Variants in FHIP1A observed in about 807,000 individuals in gnomAD.
FHIP1A encodes FHF complex subunit HOOK-interacting protein 1A.
Under a neutral mutation model 88.6 loss-of-function variants are expected in FHIP1A, and 61 were observed. The observed-to-expected ratio is 0.69, with a 90% confidence interval of 0.56 to 0.85. The LOEUF (loss-of-function observed/expected upper bound fraction) is 0.85, where lower values mean the gene tolerates loss of function less well. FHIP1A is among the 40% of genes least tolerant of loss of function. The pLI, the probability that FHIP1A is intolerant of heterozygous loss-of-function variation, is 0.00. For missense variants in FHIP1A, 1,154 were observed against 1,273.5 expected, an observed-to-expected ratio of 0.91 and a Z score of 1.43; for synonymous variants, 478 against 496.0, an observed-to-expected ratio of 0.96 and a Z score of 0.48.
At chr4:151,608,961 C>A (rs889870972) in intron 7 of FHIP1A, among the ~76,000 whole-genome samples, 3 of 152,154 alleles carry the variant, frequency 2.0e-5, no homozygotes, top group African/African-American at 7.2e-5. Flanking sequence ...GTTTCGGCCT[C>A]TAATGTGTGA....
At chr4:151,441,569 T>C (rs538133018) in intron 1 of FHIP1A, among the ~76,000 whole-genome samples, 2 of 152,308 alleles carry the variant, frequency 1.3e-5, no homozygotes, top group East Asian at 1.9e-4. Flanking sequence ...ACATACATAC[T>C]CTATCTCTTT....
intron 7 of FHIP1A, among the ~76,000 whole-genome samples, chr4:151,597,377 T>G (rs1364703296): frequency 6.6e-6 from 1 of 152,152 alleles, no homozygotes; most frequent in Non-Finnish European, 1.5e-5. Flanking sequence ...CAGCAAAGAT[T>G]GCTACCTGTT....
At chr4:151,528,350 G>A (rs555158419) in intron 3 of FHIP1A, among the ~76,000 whole-genome samples, 2 of 152,308 alleles carry the variant, frequency 1.3e-5, no homozygotes, top group East Asian at 3.9e-4. Context: ...TGAGAAAGGC[G>A]CTGAAGTAGA....
Position 151,577,789 on chromosome 4 carries a change from T to C in FHIP1A, c.445T>C (p.Ser149Pro). ...GAAGCCTCTGATGATGTTGCTGAGC[T>C]CTTGTTCAGGAACAACCACCCCCAC... ...ILKPLMMLLS[S>P]CSGTTTPTVE... is the part of the protein sequence containing the mutation. Residue 149 changes from serine to proline, a missense_variant, in exon 5 of 14, where the codon TCT becomes CCT. Transcript: ENST00000435205. 9.0e-6 allele frequency: 14 copies of C among 1,552,072 alleles called. No individual in the cohort carries two copies. The highest frequency in any genetic ancestry group is 1.1e-5 in the Non-Finnish European group (13 of 1,147,080).
intron 1 of FHIP1A, among the ~76,000 whole-genome samples, chr4:151,438,870 C>T (rs1728305834): frequency 6.6e-6 from 1 of 151,962 alleles, no homozygotes; most frequent in African/African-American, 2.4e-5. Context: ...GCGTGAGCTT[C>T]TGTCCTCAAG....
intron 3 of FHIP1A, among the ~76,000 whole-genome samples, chr4:151,496,976 C>A (rs1486976516): frequency 6.6e-6 from 1 of 151,344 alleles, no homozygotes; most frequent in African/African-American, 2.4e-5. Context: ...AAATATAAAC[C>A]AAAAGAAACA....
intron 11 of FHIP1A, among the ~76,000 whole-genome samples, chr4:151,651,898 TTCAATCAGTCAG>T (rs1737043664): frequency 6.6e-6 from 1 of 152,234 alleles, no homozygotes; most frequent in Non-Finnish European, 1.5e-5. Flanking sequence ...TTAATTAAAA[TTCAATCAGTCAG>T]TCAATCATAA....
intron 9 of FHIP1A, among the ~76,000 whole-genome samples, chr4:151,643,315 T>TTTTTTCTC (rs1314363524): frequency 6.6e-6 from 1 of 152,156 alleles, no homozygotes; most frequent in African/African-American, 2.4e-5. Context: ...GCTTTTTTCT[T>TTTTTTCTC]TTCTTTTGAA....
chr4:151,565,185 G>A (rs1007445875), intron 3 of FHIP1A, among the ~76,000 whole-genome samples: 1 of 151,390 alleles, frequency 6.6e-6, no homozygotes, highest in Non-Finnish European at 1.5e-5. Context: ...ATCTGTACAC[G>A]AAAAAAAATA....
chr4:151,581,142 G>A (rs1734009836), intron 5 of FHIP1A, among the ~76,000 whole-genome samples: 1 of 152,226 alleles, frequency 6.6e-6, no homozygotes, highest in African/African-American at 2.4e-5. Flanking sequence ...ACAGGCATGA[G>A]CCACTGCGCC....
intron 11 of FHIP1A, among the ~76,000 whole-genome samples, chr4:151,651,205 G>T (rs569553668): frequency 6.6e-6 from 1 of 152,322 alleles, no homozygotes; most frequent in East Asian, 1.9e-4. Context: ...CTCTTTGAAA[G>T]AGTGGGTATA....
chr4:151,517,149 G>A (rs562357647), intron 3 of FHIP1A, among the ~76,000 whole-genome samples: 1 of 152,136 alleles, frequency 6.6e-6, no homozygotes, highest in African/African-American at 2.4e-5. Flanking sequence ...CGTGTCCTTT[G>A]TAGGGACATG....
chr4:151,523,093 T>C (rs1731504289), intron 3 of FHIP1A, among the ~76,000 whole-genome samples: 1 of 152,210 alleles, frequency 6.6e-6, no homozygotes, highest in East Asian at 1.9e-4. Context: ...GCTATGGTAA[T>C]ACATTTGGTT....
chr4:151,606,781 T>G (rs1336585588), intron 7 of FHIP1A, among the ~76,000 whole-genome samples: 3 of 152,216 alleles, frequency 2.0e-5, no homozygotes, highest in Non-Finnish European at 4.4e-5. Context: ...GAACTTTGCC[T>G]GTTTCTTACC....
intron 7 of FHIP1A, among the ~76,000 whole-genome samples, chr4:151,622,387 A>G (rs1420973267): frequency 6.6e-6 from 1 of 152,192 alleles, no homozygotes; most frequent in Non-Finnish European, 1.5e-5. Flanking sequence ...TGTGTTGCTG[A>G]AAGAAGCCGT....
intron 3 of FHIP1A, among the ~76,000 whole-genome samples, chr4:151,493,487 C>T (rs1730354538): frequency 6.6e-6 from 1 of 152,054 alleles, no homozygotes; most frequent in South Asian, 2.1e-4. Context: ...CCAGTATTCC[C>T]TAATACCAAA....
chr4:151,506,123 C>T (rs1191115491), intron 3 of FHIP1A, among the ~76,000 whole-genome samples: 3 of 152,112 alleles, frequency 2.0e-5, no homozygotes, highest in East Asian at 1.9e-4. Context: ...TGTCTCACTG[C>T]GTTGCCCAGG....
chr4:151,564,564 G>A lies in FHIP1A; in HGVS notation c.-122-1574G>A, dbSNP rs548542069. 6.6e-5 allele frequency among the ~76,000 whole-genome samples: 10 copies of A among 152,308 alleles called. No individual in the cohort carries two copies. In the South Asian group the frequency reaches 2.1e-3, roughly 32 times the overall value. On this transcript the variant is annotated intron_variant, in intron 3 of 13. Coordinates refer to ENST00000435205, the MANE Select transcript of FHIP1A (RefSeq NM_001109977.3). Reference sequence around the variant, plus strand: ...GCCACTCTTGATGTTTGAAACACCAGATGGACCCAATAGTAGCAAAGGACT... The same window carrying A: ...GCCACTCTTGATGTTTGAAACACCAAATGGACCCAATAGTAGCAAAGGACT...
rs1736964879 is a variant in FHIP1A, at chr4:151,650,120, AGAG to A, written c.2086_2088del (p.Glu696del). The A allele has an allele frequency of 3.9e-6, 6 of 1,551,702 alleles. No individual in the cohort carries two copies. Among genetic ancestry groups the A allele is most frequent in the African/African-American group, 2.7e-5 (2 of 73,172 alleles). The stretch of plus-strand genomic sequence containing the variant: ...TCAGCACCCAGCCAGAGACAGATTC[AGAG>A]GAGGAGTGGAATAGGGACAATTCAG... On this transcript the variant is annotated inframe_deletion, in exon 11 of 14. Transcript: ENST00000435205.
Sources: gnomAD v4.1 joint callset for allele counts (sites outside exome capture counted in the v4.1 genomes callset) on GRCh38, gnomAD v4.1.1 for gene constraint, MANE v1.5 for transcripts, NCBI Gene and HGNC (gene_info 2026-07-23, HGNC 2026-07-21) for gene names.